Variants in CDK18 observed in about 807,000 individuals in gnomAD.
CDK18 encodes cyclin-dependent kinase 18.
Under a neutral mutation model 62.0 loss-of-function variants are expected in CDK18, and 52 were observed. The ratio of observed to expected loss-of-function variants is 0.84; its 90% CI spans 0.67 to 1.06. The LOEUF (loss-of-function observed/expected upper bound fraction) is 1.06. Ranked by LOEUF, CDK18 falls within the 50% of genes least tolerant of loss-of-function variation. The pLI, the probability that CDK18 is intolerant of heterozygous loss-of-function variation, is 0.00. For missense variants in CDK18, 604 were observed against 619.9 expected (o/e 0.97, Z 0.27); for synonymous variants, 237 against 247.0 (o/e 0.96, Z 0.38).
intron 1 of CDK18, among the ~76,000 whole-genome samples, chr1:205,521,045 G>C (rs1668095280): frequency 1.3e-5 from 2 of 152,306 alleles, no homozygotes; most frequent in South Asian, 4.1e-4. Context: ...GAAAGTCCAA[G>C]GCTGGTGGGC....
At chr1:205,521,213 T>C (rs1466428834) in intron 1 of CDK18, among the ~76,000 whole-genome samples, 1 of 152,152 alleles carries the variant, frequency 6.6e-6, no homozygotes, top group Non-Finnish European at 1.5e-5. Context: ...CTCAGTTTTT[T>C]GGTTTGTTTG....
chr1:205,526,441 A>G lies in CDK18; in HGVS notation c.646A>G (p.Thr216Ala). ...HDLIHTDRSL[T>A]LVFEYLDSDL... ...CCTCATCCACACAGATCGGTCCCTC[A>G]CCCTGGTGTTTGAGTACCTGGTGAG... The change falls in exon 7 of 16, where the codon ACC becomes GCC. Residue 216 changes from threonine to alanine, a missense_variant. Transcript: ENST00000429964. 1 of 1,613,836 alleles carries G rather than the reference A, an allele frequency of 6.2e-7. No individual in the cohort carries two copies. The highest frequency in any genetic ancestry group is 8.5e-7 in the Non-Finnish European group (1 of 1,179,826).
rs576113319 is a variant in CDK18, at chr1:205,507,407, G to A, written c.-22+2611G>A. ...AGCACTTTGGGAGGCCGAGGTGGAC[G>A]GATCACGAGGTCAGGAGATCGAGAC... On this transcript the variant is annotated intron_variant, in intron 1 of 15. Transcript: ENST00000429964. Among the ~76,000 whole-genome samples the A allele has an allele frequency of 2.5e-3, 381 of 151,842 alleles. 2 individuals carry two copies. Among genetic ancestry groups the A allele is most frequent in the Middle Eastern group, 0.017 (5 of 294 alleles).
At chr1:205,523,799 G>C in intron 3 of CDK18, 174 bp downstream of exon 3, 1 of 823,650 alleles carries the variant, frequency 1.2e-6, no homozygotes, top group Non-Finnish European at 1.9e-6. Context: ...TGGTCTCCTT[G>C]TCTTTAAAAT....
chr1:205,524,959 A>G (rs1413484472), intron 4 of CDK18, among the ~76,000 whole-genome samples, 180 bp from the exon 5 acceptor site: 1 of 152,172 alleles, frequency 6.6e-6, no homozygotes, highest in East Asian at 1.9e-4. Flanking sequence ...CTGTCCTGGG[A>G]GGAAGAAACT....
At chr1:205,529,213 C>A (rs773476346) in intron 11 of CDK18, 111 bp from the exon 12 acceptor site, 859 of 1,332,910 alleles carry the variant, frequency 6.4e-4, no homozygotes, top group Non-Finnish European at 8.4e-4. Context: ...GGGCGGGGAC[C>A]CCCTGTGGCC....
chr1:205,529,884 C>T (rs967257976), intron 13 of CDK18: 12 of 1,349,544 alleles, frequency 8.9e-6, no homozygotes, highest in South Asian at 3.0e-5. Flanking sequence ...ATTGAGATGA[C>T]GGGACACACT....
chr1:205,523,033 A>T, intron 1 of CDK18, 114 bp from the exon 2 acceptor site: 1 of 1,157,998 alleles, frequency 8.6e-7, no homozygotes. Flanking sequence ...GCTCCCAGTG[A>T]TGGTGGCATA....
At chr1:205,509,346 G>T (rs1667460023) in intron 1 of CDK18, among the ~76,000 whole-genome samples, 1 of 152,114 alleles carries the variant, frequency 6.6e-6, no homozygotes, top group Non-Finnish European at 1.5e-5. Flanking sequence ...CCTAGAAATG[G>T]TGGAGTCGGG....
At chr1:205,506,511 A>G (rs12748661) in intron 1 of CDK18, among the ~76,000 whole-genome samples, 25,920 of 152,194 alleles carry the variant, frequency 0.17, 2,454 homozygotes, top group Middle Eastern at 0.26. Context: ...CTTAGTGGCC[A>G]CCATTTGTTG....
rs778968189 is a variant in CDK18 at position 205,531,419 on chromosome 1, A to G, written c.*41A>G. ...CTGTGGCCAAGGGACAAGAGATCAC[A>G]TGGAGCACAAATTCGGGTAGGATGG... is the stretch of plus-strand genomic sequence containing the variant. On this transcript the variant is annotated 3_prime_UTR_variant, in exon 16 of 16. Coordinates refer to ENST00000429964, the MANE Select transcript of CDK18 (RefSeq NM_212502.3). 1.9e-6 allele frequency: 3 copies of G among 1,585,234 alleles called. No homozygotes were observed. Among genetic ancestry groups the G allele is most frequent in the Middle Eastern group, 1.7e-4 (1 of 5,996 alleles).
chr1:205,529,384 G>A lies in CDK18; in HGVS notation c.1133G>A (p.Ser378Asn). The A allele has an allele frequency of 6.2e-7, 1 of 1,614,052 alleles. No homozygotes were observed. Residue 378 changes from serine to asparagine, a missense_variant, in exon 12 of 16, where the codon AGC becomes AAC. Ser to Asn is a conservative substitution (Grantham distance 46). Coordinates refer to ENST00000429964, the MANE Select transcript of CDK18 (RefSeq NM_212502.3). ...GCCTTCTCTGAGTTCCGCACCTACA[G>A]CTTCCCCTGCTACCTCCCGCAGCCG... ...VTAFSEFRTY[S>N]FPCYLPQPLI...
chr1:205,529,244 C>A, intron 11 of CDK18, 80 bp from the exon 12 acceptor site: 4 of 1,422,714 alleles, frequency 2.8e-6, no homozygotes, highest in Non-Finnish European at 3.9e-6. Context: ...TTGCTCCCAC[C>A]TCATACATTG....
rs1434444926 is a variant in CDK18 at position 205,528,879 on chromosome 1, C to T, written c.975-120C>T. ...CCACTGCCCTGGGCCACCCCTCCGC[C>T]GCCAGAGCCACGATCCCTGCAGCCG... On this transcript the variant is annotated intron_variant, in intron 10 of 15. Transcript: ENST00000429964. The surrounding 1 kb of genome is among the most constrained non-coding windows in gnomAD (Gnocchi z 4.2). 6.1e-6 allele frequency: 4 copies of T among 650,854 alleles called. No individual in the cohort carries two copies. The highest frequency in any genetic ancestry group is 8.0e-6 in the Non-Finnish European group (3 of 372,922). 40.3% of individuals were successfully genotyped at this position (650,854 alleles called of 1,614,324 possible). A position where few individuals can be genotyped will look rare whatever the true frequency, so the allele number is the denominator to read the frequency against.
Position 205,524,249 on chromosome 1 carries a change from C to G in CDK18, c.291C>G (p.Leu97=). ...CACCACAGGACGTCAGCAAGAGGCT[C>G]TCTCTGCCCATGGATATCCGCCTGC... ...RFSMEDVSKR[L]SLPMDIRLPQ... The change falls in exon 4 of 16, where the codon CTC becomes CTG. Residue 97 remains leucine, a synonymous_variant. Coordinates refer to ENST00000429964, the MANE Select transcript of CDK18 (RefSeq NM_212502.3). 6.2e-7 allele frequency: 1 copy of G among 1,614,212 alleles called. No individual in the cohort carries two copies. The highest frequency in any genetic ancestry group is 8.5e-7 in the Non-Finnish European group (1 of 1,180,026).
chr1:205,531,247 C>T, intron 15 of CDK18, 97 bp from the exon 16 acceptor site: 2 of 1,141,426 alleles, frequency 1.8e-6, no homozygotes, highest in Non-Finnish European at 2.6e-6. Context: ...CTTGCTCTGT[C>T]AGAGCAGCTC....
chr1:205,532,637 T>A lies in CDK18; in HGVS notation c.*1259T>A, dbSNP rs1041811191. ...TCCTCAACACTGGGCTGATCCTGAA[T>A]GGCACAGGCCAAGGGGAGGCCAGCC... On this transcript the variant is annotated 3_prime_UTR_variant, in exon 16 of 16. Coordinates refer to ENST00000429964, the MANE Select transcript of CDK18 (RefSeq NM_212502.3). The A allele has an allele frequency of 6.6e-6, 1 of 152,390 alleles. No homozygotes were observed. Among genetic ancestry groups the A allele is most frequent in the East Asian group, 1.9e-4 (1 of 5,164 alleles). The allele number at this position is 152,390 out of a possible 1,614,324, so 9.4% of individuals were successfully genotyped here.
intron 3 of CDK18, 52 bp downstream of exon 3, chr1:205,523,677 G>T: frequency 6.6e-7 from 1 of 1,526,478 alleles, no homozygotes. Context: ...CACGCACAAG[G>T]GTGTGCACAG....
rs764869707 is a variant in CDK18, at chr1:205,526,173, C to T, written c.565C>T (p.Arg189Ter). The T allele has an allele frequency of 1.0e-4, 164 of 1,612,786 alleles. No homozygotes were observed. Among genetic ancestry groups the T allele is most frequent in the Non-Finnish European group, 1.2e-4 (137 of 1,179,090 alleles). ...GGAGGGAGCGCCCTGCACTGCCATCCGAGAGGGTACAGCATCCTAGGCTCC... is the reference window on the plus strand; with the variant it reads ...GGAGGGAGCGCCCTGCACTGCCATCTGAGAGGGTACAGCATCCTAGGCTCC... ...HEEGAPCTAI[R>*]EVSLLKNLKH... The change falls in exon 6 of 16, where the codon CGA (arginine) becomes TGA (stop). Residue 189 changes from arginine (R) to a stop codon, truncating the protein, a stop_gained. Coordinates refer to ENST00000429964, the MANE Select transcript of CDK18 (RefSeq NM_212502.3). LOFTEE classifies it high-confidence loss of function.
Sources: allele counts gnomAD v4.1 joint callset (sites outside exome capture counted in the v4.1 genomes callset), GRCh38; gene constraint gnomAD v4.1.1; non-coding constraint Gnocchi (gnomAD v3.1); transcripts MANE v1.5; gene names NCBI Gene and HGNC (gene_info 2026-07-23, HGNC 2026-07-21).